The following CLVS1 variants were observed in gnomAD, a reference collection of about 807,000 sequenced individuals.
CLVS1 encodes the protein clavesin-1.
Under a neutral mutation model 33.1 loss-of-function variants are expected in CLVS1, and 10 were observed. The observed-to-expected ratio is 0.30, with a 90% CI of 0.19 to 0.51. The LOEUF (loss-of-function observed/expected upper bound fraction) is 0.51, where lower values mean the gene tolerates loss of function less well. Among genes scored for constraint, CLVS1 ranks in the 20% least tolerant of loss-of-function variants. CLVS1 has a pLI of 0.97. For synonymous variants in CLVS1, 163 were observed against 166.1 expected (o/e 0.98, Z 0.14); for missense variants, 343 against 433.4 (o/e 0.79, Z 1.85).
intron 2 of CLVS1, among the ~76,000 whole-genome samples, chr8:61,371,311 C>T (rs780116689): frequency 5.3e-5 from 8 of 152,094 alleles, no homozygotes; most frequent in East Asian, 1.9e-4. Context: ...TGTCTATTCA[C>T]GTCTTTAGCC....
chr8:61,092,604 C>T (rs1193273455), intron 1 of CLVS1, among the ~76,000 whole-genome samples: 1 of 152,194 alleles, frequency 6.6e-6, no homozygotes, highest in African/African-American at 2.4e-5. Context: ...TGAGAGGTTG[C>T]CTTGGCTCAT....
chr8:61,112,290 C>G (rs974285046), intron 1 of CLVS1, among the ~76,000 whole-genome samples: 1 of 151,686 alleles, frequency 6.6e-6, no homozygotes, highest in African/African-American at 2.4e-5. Context: ...TAGAATAAGG[C>G]CTACTTGATC....
intron 2 of CLVS1, among the ~76,000 whole-genome samples, chr8:61,303,060 T>C (rs1268279521): frequency 6.6e-6 from 1 of 152,186 alleles, no homozygotes; most frequent in African/African-American, 2.4e-5. Flanking sequence ...ACATGAGATT[T>C]GGTTGGGGAC....
chr8:61,444,054 T>C (rs1324039185), intron 3 of CLVS1, among the ~76,000 whole-genome samples: 1 of 152,174 alleles, frequency 6.6e-6, no homozygotes, highest in Non-Finnish European at 1.5e-5. Flanking sequence ...TAGAGAAATA[T>C]AATTTTTTTA....
intron 3 of CLVS1, among the ~76,000 whole-genome samples, chr8:61,389,679 A>G (rs1814224639): frequency 6.6e-6 from 1 of 152,248 alleles, no homozygotes; most frequent in African/African-American, 2.4e-5. Flanking sequence ...GCACTGGCAT[A>G]TCATAGAATC....
intron 3 of CLVS1, among the ~76,000 whole-genome samples, chr8:61,389,583 C>T (rs1275398046): frequency 1.3e-5 from 2 of 151,500 alleles, no homozygotes; most frequent in Non-Finnish European, 2.9e-5. Context: ...AGGGAAGAAA[C>T]ACGAATAACA....
intron 3 of CLVS1, among the ~76,000 whole-genome samples, chr8:61,395,800 CAA>C (rs141131055): frequency 0.021 from 3,151 of 152,132 alleles, 90 homozygotes; most frequent in African/African-American, 0.071. Flanking sequence ...AATGAAGAAT[CAA>C]AGTGTTTTGT....
chr8:60,986,925 G>T, the CLVS1 span, among the ~76,000 whole-genome samples: 1 of 152,154 alleles, frequency 6.6e-6, no homozygotes, highest in Non-Finnish European at 1.5e-5. Flanking sequence ...GACTAGAAAG[G>T]CTTATGTGTC....
chr8:61,228,914 AG>A lies in CLVS1; in HGVS notation c.-151-70762del, dbSNP rs746464289. ...ATTTCTTTCGGATATATATATATCC[AG>A]CAGTGGGATTGCTGAGTCATGTGGT... On this transcript the variant is annotated intron_variant, in intron 2 of 2. Transcript: ENST00000522621. Among the ~76,000 whole-genome samples, 42 of 152,198 alleles carry A rather than the reference AG, an allele frequency of 2.8e-4. 1 individual carries two copies. Among genetic ancestry groups the A allele is most frequent in the Non-Finnish European group, 5.0e-4 (34 of 68,028 alleles).
At chr8:61,330,577 C>A (rs1222707130) in intron 2 of CLVS1, among the ~76,000 whole-genome samples, 10 of 152,172 alleles carry the variant, frequency 6.6e-5, no homozygotes, top group Admixed American at 6.5e-4. Context: ...TCAGTTTGGT[C>A]AAACACACTG....
At chr8:61,328,748 T>G (rs946780288) in intron 2 of CLVS1, among the ~76,000 whole-genome samples, 14 of 152,200 alleles carry the variant, frequency 9.2e-5, no homozygotes, top group Admixed American at 3.3e-4. Context: ...GTTGGTTGTC[T>G]CTCAGCAGGA....
At chr8:61,299,604 G>A (rs1329899307) in intron 1 of CLVS1, 73 bp from the exon 2 acceptor site, 6 of 534,198 alleles carry the variant, frequency 1.1e-5, no homozygotes, top group East Asian at 3.0e-5. Context: ...TTCTATCTAA[G>A]CTCCAATTAA....
intron 2 of CLVS1, among the ~76,000 whole-genome samples, chr8:61,152,962 C>T (rs908168607): frequency 5.3e-5 from 8 of 151,958 alleles, no homozygotes; most frequent in South Asian, 2.1e-4. Flanking sequence ...CTGAGGAATT[C>T]GAGACCAGCC....
intron 2 of CLVS1, among the ~76,000 whole-genome samples, chr8:61,233,744 G>A (rs1048801230): frequency 6.6e-6 from 1 of 152,224 alleles, no homozygotes; most frequent in African/African-American, 2.4e-5. Context: ...GACAGGCACA[G>A]TGTCCGTGGA....
chr8:61,210,515 G>C (rs1807949516), intron 2 of CLVS1, among the ~76,000 whole-genome samples: 1 of 152,206 alleles, frequency 6.6e-6, no homozygotes, highest in East Asian at 1.9e-4. Flanking sequence ...CCTGTGAGAG[G>C]GCCACATGGC....
chr8:61,354,970 A>G (rs868029454), intron 2 of CLVS1, among the ~76,000 whole-genome samples: 9 of 152,188 alleles, frequency 5.9e-5, no homozygotes, highest in Admixed American at 6.5e-5. Context: ...ACATACAAAC[A>G]AATTATTACA....
the CLVS1 span, among the ~76,000 whole-genome samples, chr8:61,038,469 T>C: frequency 6.6e-6 from 1 of 150,870 alleles, no homozygotes; most frequent in Non-Finnish European, 1.5e-5. Context: ...CATATATATA[T>C]ATACACGTAT....
At chr8:61,317,672 A>G (rs1409806973) in intron 2 of CLVS1, among the ~76,000 whole-genome samples, 6 of 152,188 alleles carry the variant, frequency 3.9e-5, no homozygotes, top group Non-Finnish European at 7.3e-5. Context: ...CTTCTGGTTT[A>G]GAAGTTATCT....
At chr8:61,050,471 G>T in the CLVS1 span, among the ~76,000 whole-genome samples, 2 of 152,218 alleles carry the variant, frequency 1.3e-5, no homozygotes, top group Admixed American at 1.3e-4. Flanking sequence ...CATCACCAAT[G>T]ATTTGACTAG....
Sources: allele counts gnomAD v4.1 joint callset (sites outside exome capture counted in the v4.1 genomes callset), GRCh38; gene constraint gnomAD v4.1.1; transcripts MANE v1.5; gene names NCBI Gene and HGNC (gene_info 2026-07-23, HGNC 2026-07-21).